TET3: variants seen among roughly 807,000 people sequenced by gnomAD.
TET3 encodes the protein methylcytosine dioxygenase TET3.
In TET3, 19 loss-of-function variants were observed where a neutral mutation model predicts 141.4. The ratio of observed to expected loss-of-function variants is 0.13; its 90% confidence interval spans 0.09 to 0.20. The LOEUF is 0.20. Among genes scored for constraint, TET3 ranks in the 10% least tolerant of loss-of-function variants. TET3 has a pLI of 1.00. For synonymous variants in TET3, 1,043 were observed against 980.9 expected (o/e 1.06, Z -1.18); for missense variants, 1,874 against 2,356.9 (o/e 0.80, Z 4.24).
intron 3 of TET3, among the ~76,000 whole-genome samples, chr2:74,033,110 G>A (rs1451899632): frequency 2.0e-5 from 3 of 152,128 alleles, no homozygotes; most frequent in Non-Finnish European, 4.4e-5. Context: ...CTCCCTTCTC[G>A]TCTCGTTCAC....
At chr2:74,011,906 A>G (rs1477212074) in intron 3 of TET3, among the ~76,000 whole-genome samples, 1 of 151,938 alleles carries the variant, frequency 6.6e-6, no homozygotes, top group Non-Finnish European at 1.5e-5. Flanking sequence ...AAAGGGAGCA[A>G]AAGAGAGGAA....
At chr2:74,067,812 G>A (rs1042087660) in intron 4 of TET3, among the ~76,000 whole-genome samples, 1 of 152,260 alleles carries the variant, frequency 6.6e-6, no homozygotes, top group South Asian at 2.1e-4. Flanking sequence ...ATACCGAGTG[G>A]TTGTGTGGCA....
At chr2:74,084,798 G>A (rs758381240) in intron 6 of TET3, among the ~76,000 whole-genome samples, 4 of 152,078 alleles carry the variant, frequency 2.6e-5, no homozygotes, top group South Asian at 2.1e-4. Context: ...TTAGCCAGGC[G>A]TGGTAGCATG....
Position 74,082,886 on chromosome 2 carries a change from G to A in TET3, c.2679+2295G>A, listed in dbSNP as rs140224214. Among the ~76,000 whole-genome samples the A allele has an allele frequency of 8.1e-3, 1,240 of 152,240 alleles. 17 individuals are homozygous for A. Among genetic ancestry groups the A allele is most frequent in the African/African-American group, 0.028 (1,166 of 41,548 alleles). On this transcript the variant is annotated intron_variant, in intron 6 of 11. Transcript: ENST00000409262. ...AGTGTAGCGTCAGGAGCCCGGAGCC[G>A]GTTCTGTGGCCACGGGTGAGTGCAG...
rs1208620731 is a variant in TET3 at position 73,986,105 on chromosome 2, T to C, written c.-299T>C. 1.1e-5 allele frequency: 3 copies of C among 262,482 alleles called. 1 individual carries two copies. The highest frequency in any genetic ancestry group is 2.1e-5 in the Non-Finnish European group (3 of 140,180). The allele number at this position is 262,482 out of a possible 1,614,324, so 16.3% of individuals were successfully genotyped here. A position where few individuals can be genotyped will look rare whatever the true frequency, so the allele number is the denominator to read the frequency against. On this transcript the variant is annotated 5_prime_UTR_variant, in exon 2 of 12. Coordinates refer to ENST00000409262, the MANE Select transcript of TET3 (RefSeq NM_001287491.2). ...TGCCTGGGTCCAGGGTGGGTGAGGG[T>C]GAAGAACCCACCGGGCCAAGATGAT... is the stretch of plus-strand genomic sequence containing the variant.
chr2:74,123,494 G>C, the TET3 span, among the ~76,000 whole-genome samples: 3 of 152,148 alleles, frequency 2.0e-5, no homozygotes, highest in African/African-American at 7.2e-5. Flanking sequence ...GGGCGGAACC[G>C]ACCAAGAAAC....
At position 74,093,110 on chromosome 2, in the gene TET3, A is replaced by C; in HGVS notation, c.3129+119A>C. The C allele has an allele frequency of 1.1e-6, 1 of 930,556 alleles. No homozygotes were observed. The highest frequency in any genetic ancestry group is 1.6e-5 in the South Asian group (1 of 63,458). The allele number at this position is 930,556 out of a possible 1,614,324, so 57.6% of individuals were successfully genotyped here. ...CTCTCTTATGGGAAGAGCCTAGTCCAGAAGTAAAGCGATATGATGTGGTTC... is the reference window on the plus strand; with the variant it reads ...CTCTCTTATGGGAAGAGCCTAGTCCCGAAGTAAAGCGATATGATGTGGTTC... On this transcript the variant is annotated intron_variant, in intron 9 of 11. Transcript: ENST00000409262. This position sits in a 1 kb window ranked among gnomAD's most constrained non-coding sequence, Gnocchi z 4.2.
Position 74,102,046 on chromosome 2 carries a change from A to T in TET3, c.5258A>T (p.Glu1753Val), listed in dbSNP as rs1308631338. ...AAGTGGGGGGGCACTGTGGTTGCTG[A>T]GCCCCAGCAGAAAGAGAAGAAGGGG... ...KRKWGGTVVA[E>V]PQQKEKKGVV... The change falls in exon 12 of 12, where the codon GAG (glutamate) becomes GTG (valine). Residue 1753 changes from glutamate (E) to valine (V), a missense_variant. Glu to Val is a moderately radical substitution (Grantham distance 121). This residue lies in a region of TET3 where 113 missense variants were observed against 114.3 expected (regional missense o/e 0.99). Transcript: ENST00000409262. The T allele has an allele frequency of 1.3e-6, 2 of 1,537,944 alleles. No individual in the cohort carries two copies. The highest frequency in any genetic ancestry group is 4.5e-5 in the East Asian group (2 of 44,020).
chr2:74,088,555 C>T (rs952329632), intron 7 of TET3, among the ~76,000 whole-genome samples: 14 of 152,204 alleles, frequency 9.2e-5, no homozygotes, highest in Admixed American at 2.0e-4. Context: ...ACAGAAGAAT[C>T]GCTTGAACTC....
chr2:74,045,805 T>C (rs954502314), intron 3 of TET3, among the ~76,000 whole-genome samples: 1 of 151,996 alleles, frequency 6.6e-6, no homozygotes, highest in Non-Finnish European at 1.5e-5. Flanking sequence ...GCTGAATTTG[T>C]TCATCAAAGC....
Position 74,087,787 on chromosome 2 carries a change from A to G in TET3, c.2680-43A>G. 1 of 1,510,028 alleles carries G rather than the reference A, an allele frequency of 6.6e-7. No homozygotes were observed. The highest frequency in any genetic ancestry group is 1.3e-5 in the South Asian group (1 of 77,652). The allele number at this position is 1,510,028 out of a possible 1,614,324, so 93.5% of individuals were successfully genotyped here. On this transcript the variant is annotated intron_variant, in intron 6 of 11. Transcript: ENST00000409262. This position sits in a 1 kb window ranked among gnomAD's most constrained non-coding sequence, Gnocchi z 4.3. ...GAGGGGTGGCACCATGCAGAGGAGC[A>G]CGGGTACCTGGCTCCTGCCCCTCAC...
intron 2 of TET3, among the ~76,000 whole-genome samples, chr2:73,994,479 G>C (rs867687151): frequency 7.2e-5 from 11 of 152,158 alleles, no homozygotes; most frequent in Middle Eastern, 3.2e-3. Context: ...TGTGACCAGT[G>C]CCTGCACGAG....
chr2:74,110,708 C>T (rs189372609), downstream of TET3, among the ~76,000 whole-genome samples: 24 of 152,278 alleles, frequency 1.6e-4, no homozygotes, highest in East Asian at 4.6e-3. Context: ...GCCCAGGGAG[C>T]CTGCCCAATT....
Position 74,007,638 on chromosome 2 carries a change from G to C in TET3, c.360+4472G>C, listed in dbSNP as rs144872271. ...AGGAGGGTGAGAAGTGCAGTTGTTAGTTTCCTTCCACTCTGTTTTCTACTC... is the reference window on the plus strand; with the variant it reads ...AGGAGGGTGAGAAGTGCAGTTGTTACTTTCCTTCCACTCTGTTTTCTACTC... On this transcript the variant is annotated intron_variant, in intron 3 of 11. Coordinates refer to ENST00000409262, the MANE Select transcript of TET3 (RefSeq NM_001287491.2). Among the ~76,000 whole-genome samples the C allele has an allele frequency of 2.5e-3, 373 of 152,232 alleles. 1 individual carries two copies. The highest frequency in any genetic ancestry group is 4.4e-3 in the Non-Finnish European group (297 of 68,004).
chr2:74,109,720 G>A (rs914295542), downstream of TET3, among the ~76,000 whole-genome samples: 6 of 151,942 alleles, frequency 3.9e-5, no homozygotes, highest in African/African-American at 9.7e-5. Flanking sequence ...ACTCCCCACC[G>A]TGCCCCCGTC....
intron 3 of TET3, among the ~76,000 whole-genome samples, chr2:74,032,935 C>G (rs1334883462): frequency 6.6e-6 from 1 of 152,000 alleles, no homozygotes; most frequent in Non-Finnish European, 1.5e-5. Context: ...GGCTTGGCAC[C>G]CCATCTCAAC....
At chr2:74,085,432 G>C (rs1054282779) in intron 6 of TET3, among the ~76,000 whole-genome samples, 1 of 152,158 alleles carries the variant, frequency 6.6e-6, no homozygotes. Context: ...CTCCCAGCAC[G>C]ATCCACTCGT....
At chr2:74,020,763 G>A (rs1685994210) in intron 3 of TET3, among the ~76,000 whole-genome samples, 1 of 152,222 alleles carries the variant, frequency 6.6e-6, no homozygotes, top group African/African-American at 2.4e-5. Context: ...GCAGGGGTCA[G>A]GATTTCTGCC....
intron 3 of TET3, among the ~76,000 whole-genome samples, chr2:74,008,684 T>C (rs1458136401): frequency 6.6e-6 from 1 of 151,962 alleles, no homozygotes; most frequent in Non-Finnish European, 1.5e-5. Context: ...TTTTTTGAGA[T>C]GCTAAAGATT....
Sources: gnomAD v4.1 joint callset for allele counts (sites outside exome capture counted in the v4.1 genomes callset) on GRCh38, gnomAD v4.1.1 for gene constraint, gnomAD v4.1.1 regional missense constraint, Gnocchi (gnomAD v3.1) non-coding constraint, MANE v1.5 for transcripts, NCBI Gene and HGNC (gene_info 2026-07-23, HGNC 2026-07-21) for gene names.